The following PACS1 variants were observed in gnomAD, a reference collection of about 807,000 sequenced individuals.
PACS1 encodes phosphofurin acidic cluster sorting protein 1, also known as PACS-1.
A neutral mutation model predicts 115.0 loss-of-function variants in PACS1; 24 were observed. The observed-to-expected ratio is 0.21, with a 90% confidence interval of 0.15 to 0.29. The LOEUF is 0.29. PACS1 is among the 10% of genes least tolerant of loss of function. PACS1 has a pLI of 1.00. For missense variants in PACS1, 838 were observed against 1,251.2 expected (o/e 0.67, Z 4.98); for synonymous variants, 453 against 504.5 (o/e 0.90, Z 1.37).
Position 66,236,197 on chromosome 11 carries a change from C to T in PACS1, c.2250+257C>T, listed in dbSNP as rs1312741769. On this transcript the variant is annotated intron_variant, in intron 19 of 23. Transcript: ENST00000320580. This position sits in a 1 kb window ranked among gnomAD's most constrained non-coding sequence, Gnocchi z 4.2. ...CCCGCAGCAGAGAATGGCTTGGCCC[C>T]AAGTGTCAGTAGTGCAGAGGTGGAG... 6.6e-6 allele frequency among the ~76,000 whole-genome samples: 1 copy of T among 152,176 alleles called. No individual in the cohort carries two copies. Among genetic ancestry groups the T allele is most frequent in the Non-Finnish European group, 1.5e-5 (1 of 68,020 alleles).
intron 1 of PACS1, among the ~76,000 whole-genome samples, chr11:66,113,510 G>T (rs1858232056): frequency 6.6e-6 from 1 of 152,176 alleles, no homozygotes; most frequent in African/African-American, 2.4e-5. Flanking sequence ...TCTCCAAACA[G>T]ATACTTTTAC....
At chr11:66,127,527 G>T (rs553817782) in intron 1 of PACS1, among the ~76,000 whole-genome samples, 5 of 152,202 alleles carry the variant, frequency 3.3e-5, no homozygotes, top group Admixed American at 1.3e-4. Context: ...GTGTAAGAAG[G>T]CTTCTTCTCT....
intron 1 of PACS1, among the ~76,000 whole-genome samples, chr11:66,093,169 G>A (rs1857699664): frequency 6.6e-6 from 1 of 152,136 alleles, no homozygotes; most frequent in South Asian, 2.1e-4. Context: ...TCTTCTATTT[G>A]TTTGTATCCT....
chr11:66,160,446 A>T (rs1261536578), intron 1 of PACS1, among the ~76,000 whole-genome samples: 3 of 152,084 alleles, frequency 2.0e-5, no homozygotes, highest in Admixed American at 6.6e-5. Flanking sequence ...TTAAAAATAT[A>T]TTTTCCTGAT....
At chr11:66,209,986 G>A (rs1252101583) in intron 2 of PACS1, among the ~76,000 whole-genome samples, 1 of 151,500 alleles carries the variant, frequency 6.6e-6, no homozygotes, top group Non-Finnish European at 1.5e-5. Context: ...ATTTCTTTTG[G>A]TCTGATTTTT....
In PACS1 at chr11:66,231,006, G is replaced by T. The variant is rs892186400; in HGVS notation, c.1626+66G>T. On this transcript the variant is annotated intron_variant, in intron 13 of 23. Transcript: ENST00000320580. ...TTCCCTGAACTTCAGGCTCTGTTTT[G>T]TTGGCTTCCTTGGACAGTTAGTTGG... 6 of 1,590,470 alleles carry T rather than the reference G, an allele frequency of 3.8e-6. No homozygotes were observed. In the African/African-American group the frequency reaches 8.1e-5, roughly 21 times the overall value.
At chr11:66,072,446 T>A (rs945732438) in intron 1 of PACS1, among the ~76,000 whole-genome samples, 1 of 152,176 alleles carries the variant, frequency 6.6e-6, no homozygotes, top group African/African-American at 2.4e-5. Context: ...ATCTGGGACT[T>A]CACTAGGCAA....
In PACS1 at chr11:66,098,940, G is replaced by A. The variant is rs370708329; in HGVS notation, c.356+28098G>A. On this transcript the variant is annotated intron_variant, in intron 1 of 23. Transcript: ENST00000320580. ...CATTCTGTTAACCAGCCCTGTTACT[G>A]CTGTTGTTGGCCCTCATCACCTGCT... 6.5e-4 allele frequency among the ~76,000 whole-genome samples: 99 copies of A among 152,272 alleles called. 5 individuals are homozygous for A. In the South Asian group the frequency reaches 0.021, roughly 32 times the overall value.
At chr11:66,140,748 A>G (rs1255298820) in intron 1 of PACS1, among the ~76,000 whole-genome samples, 2 of 152,116 alleles carry the variant, frequency 1.3e-5, no homozygotes, top group Non-Finnish European at 2.9e-5. Context: ...TTTATGTAAT[A>G]CAAGCAAACA....
rs142472541 is a variant in PACS1, at chr11:66,075,958, C to T, written c.356+5116C>T. On this transcript the variant is annotated intron_variant, in intron 1 of 23. Transcript: ENST00000320580. ...TTTACCATGTTAGCCAGGATGCTCTCGATCTCCTGACCTCGTGATCCACCT... is the reference window on the plus strand; with the variant it reads ...TTTACCATGTTAGCCAGGATGCTCTTGATCTCCTGACCTCGTGATCCACCT... Among the ~76,000 whole-genome samples, 1,249 of 152,170 alleles carry T rather than the reference C, an allele frequency of 8.2e-3. 79 individuals are homozygous for T. The East Asian group carries it at 0.17, about 21-fold the overall frequency.
At chr11:66,189,761 T>G (rs1028888568) in intron 1 of PACS1, among the ~76,000 whole-genome samples, 13 of 152,356 alleles carry the variant, frequency 8.5e-5, no homozygotes, top group African/African-American at 3.1e-4. Context: ...GTGGAAAATG[T>G]TTGCTTTGAA....
At chr11:66,185,705 G>T (rs1187859622) in intron 1 of PACS1, among the ~76,000 whole-genome samples, 1 of 152,196 alleles carries the variant, frequency 6.6e-6, no homozygotes. Flanking sequence ...ATCTTGGAGA[G>T]AACTTTGTTA....
intron 1 of PACS1, among the ~76,000 whole-genome samples, chr11:66,125,173 A>G (rs557806496): frequency 5.3e-5 from 8 of 152,274 alleles, no homozygotes; most frequent in South Asian, 2.1e-4. Flanking sequence ...GAATGATACA[A>G]TGGACTTTGG....
intron 1 of PACS1, among the ~76,000 whole-genome samples, chr11:66,173,107 T>G (rs973103855): frequency 1.3e-5 from 2 of 151,408 alleles, no homozygotes; most frequent in Admixed American, 6.6e-5. Context: ...TTTTTTTGTT[T>G]TTTTTTGTAG....
At chr11:66,071,871 G>T (rs1034269553) in intron 1 of PACS1, among the ~76,000 whole-genome samples, 1 of 152,002 alleles carries the variant, frequency 6.6e-6, no homozygotes, top group African/African-American at 2.4e-5. Context: ...CTTTATTCTG[G>T]ATAATATTGT....
chr11:66,102,432 C>G (rs1857939369), intron 1 of PACS1, among the ~76,000 whole-genome samples: 1 of 151,988 alleles, frequency 6.6e-6, no homozygotes, highest in African/African-American at 2.4e-5. Context: ...TCAAGCGAGT[C>G]TCCTGTCTCA....
chr11:66,198,680 G>A (rs944817577), intron 2 of PACS1, among the ~76,000 whole-genome samples: 3 of 152,180 alleles, frequency 2.0e-5, no homozygotes, highest in Non-Finnish European at 4.4e-5. Context: ...ACTGACTGTG[G>A]TGATGGTTGC....
At position 66,070,666 on chromosome 11, in the gene PACS1, C is replaced by T. The variant is rs763454992; in HGVS notation, c.180C>T (p.Thr60=). 1.3e-6 allele frequency: 2 copies of T among 1,571,150 alleles called. No homozygotes were observed. The highest frequency in any genetic ancestry group is 1.1e-5 in the South Asian group (1 of 87,856). Residue 60 remains threonine (T), a synonymous_variant, in exon 1 of 24, where the codon ACC becomes ACT. Transcript: ENST00000320580. This position sits in a 1 kb window ranked among gnomAD's most constrained non-coding sequence, Gnocchi z 5.9. ...AGGCCACCTCGTCGTCCTCGTCCAC[C>T]TCGGCGGCGGCTGCCTCCTCCTCGT... ...LAQATSSSSS[T]SAAAASSSSS...
intron 1 of PACS1, among the ~76,000 whole-genome samples, chr11:66,126,000 A>G (rs528681500): frequency 6.7e-6 from 1 of 150,034 alleles, no homozygotes; most frequent in East Asian, 2.0e-4. Flanking sequence ...AGATTGTACC[A>G]TTGCACTCTA....
Sources: allele counts gnomAD v4.1 joint callset (sites outside exome capture counted in the v4.1 genomes callset), GRCh38; gene constraint gnomAD v4.1.1; non-coding constraint Gnocchi (gnomAD v3.1); transcripts MANE v1.5; gene names NCBI Gene and HGNC (gene_info 2026-07-23, HGNC 2026-07-21).